BTAF1: variants seen among roughly 807,000 people sequenced by gnomAD.
BTAF1 encodes the protein TATA-binding protein-associated factor 172.
BTAF1 carries 38 observed loss-of-function variants against 227.1 expected under a neutral mutation model. The observed-to-expected ratio is 0.17, with a 90% CI of 0.13 to 0.22. The LOEUF is 0.22. BTAF1 is among the 10% of genes least tolerant of loss of function. The pLI is 1.00. For synonymous variants in BTAF1, 742 were observed against 751.9 expected (o/e 0.99, Z 0.21); for missense variants, 1,598 against 2,204.0 (o/e 0.73, Z 5.51).
intron 6 of BTAF1, 77 bp from the exon 7 acceptor site, chr10:91,956,448 CATT>C (rs1351568214): frequency 5.7e-6 from 8 of 1,398,632 alleles, no homozygotes; most frequent in Non-Finnish European, 7.7e-6. Flanking sequence ...TTGTGATTCA[CATT>C]ATCTTTTATT....
At chr10:91,936,903 T>C (rs1844649372) in intron 2 of BTAF1, among the ~76,000 whole-genome samples, 1 of 152,200 alleles carries the variant, frequency 6.6e-6, no homozygotes, top group African/African-American at 2.4e-5. Context: ...GCATATTGGC[T>C]ACCATCAAAT....
intron 35 of BTAF1, among the ~76,000 whole-genome samples, 170 bp downstream of exon 35, chr10:92,025,137 G>T (rs1044669406): frequency 1.3e-5 from 2 of 151,798 alleles, no homozygotes; most frequent in Non-Finnish European, 2.9e-5. Flanking sequence ...AAATATAATC[G>T]AATAGATTAT....
chr10:92,013,753 T>G lies in BTAF1; in HGVS notation c.4398T>G (p.Gly1466=). The G allele has an allele frequency of 6.2e-7, 1 of 1,614,078 alleles. No homozygotes were observed. Among genetic ancestry groups the G allele is most frequent in the South Asian group, 1.1e-5 (1 of 91,078 alleles). The part of the protein sequence containing the change: ...GTERQFAARY[G]KPILASRDAR... The stretch of plus-strand genomic sequence containing the variant: ...AACGCCAGTTTGCTGCTCGATATGG[T>G]AAACCTATATTAGCAAGTAGGGATG... Residue 1466 remains glycine (G), a synonymous_variant, in exon 31 of 38, where the codon GGT becomes GGG. Coordinates refer to ENST00000265990, the MANE Select transcript of BTAF1 (RefSeq NM_003972.3).
chr10:91,997,521 A>G, intron 24 of BTAF1, 82 bp from the exon 25 acceptor site: 1 of 1,270,322 alleles, frequency 7.9e-7, no homozygotes, highest in Non-Finnish European at 1.1e-6. Context: ...AGCCTTTTAA[A>G]AAGTTAAAAT....
chr10:91,971,060 T>G (rs1395778992), intron 14 of BTAF1, among the ~76,000 whole-genome samples: 2 of 152,248 alleles, frequency 1.3e-5, no homozygotes, highest in African/African-American at 4.8e-5. Flanking sequence ...TCCATATTTT[T>G]CTTCCAGTTA....
intron 9 of BTAF1, 82 bp downstream of exon 9, chr10:91,959,236 C>T (rs995224004): frequency 6.3e-7 from 1 of 1,594,666 alleles, no homozygotes; most frequent in African/African-American, 1.3e-5. Flanking sequence ...CGAGTATGTG[C>T]CGTGAAGTAG....
chr10:91,959,126 G>A lies in BTAF1; in HGVS notation c.962G>A (p.Gly321Asp). Residue 321 changes from glycine (G) to aspartate (D), a missense_variant, in exon 9 of 38, where the codon GGT becomes GAT. Physicochemically the swap from Gly to Asp is moderately conservative, Grantham distance 94. Coordinates refer to ENST00000265990, the MANE Select transcript of BTAF1 (RefSeq NM_003972.3). ...CTTAAAGCTCATGGGAAAAGTGGTGGTAAAATGGGTGACAGCACTTTAGAA... is the reference window on the plus strand; with the variant it reads ...CTTAAAGCTCATGGGAAAAGTGGTGATAAAATGGGTGACAGCACTTTAGAA... ...EILKAHGKSGGKMGDSTLEEM... is the reference protein window; with the variant it reads ...EILKAHGKSGDKMGDSTLEEM... The A allele has an allele frequency of 6.2e-7, 1 of 1,614,124 alleles. No homozygotes were observed. The highest frequency in any genetic ancestry group is 8.5e-7 in the Non-Finnish European group (1 of 1,180,000).
chr10:92,026,028 CAATT>C (rs1851488598), intron 35 of BTAF1, among the ~76,000 whole-genome samples: 1 of 152,088 alleles, frequency 6.6e-6, no homozygotes, highest in Admixed American at 6.5e-5. Context: ...GCTATTGTAA[CAATT>C]AAATAAAATA....
intron 20 of BTAF1, among the ~76,000 whole-genome samples, chr10:91,990,331 G>T (rs1223243781): frequency 6.6e-6 from 1 of 151,948 alleles, no homozygotes; most frequent in Admixed American, 6.6e-5. Context: ...AATACATTGG[G>T]GTCATTCTCC....
At chr10:91,950,856 A>G (rs1845725880) in intron 4 of BTAF1, among the ~76,000 whole-genome samples, 1 of 142,734 alleles carries the variant, frequency 7.0e-6, no homozygotes, top group African/African-American at 2.6e-5. Flanking sequence ...TTTTTGAGAC[A>G]GGGTCTCACT....
At chr10:92,016,844 G>A (rs1010355557) in intron 33 of BTAF1, among the ~76,000 whole-genome samples, 4 of 151,982 alleles carry the variant, frequency 2.6e-5, no homozygotes, top group Non-Finnish European at 5.9e-5. Context: ...ATAAAATACG[G>A]ATCTATGTAT....
chr10:92,018,396 C>G (rs530810923), intron 33 of BTAF1, among the ~76,000 whole-genome samples: 33 of 152,276 alleles, frequency 2.2e-4, no homozygotes, highest in African/African-American at 7.5e-4. Context: ...TTTTTACACT[C>G]ACTGAAGTTT....
chr10:91,955,565 G>A (rs1020144880), intron 6 of BTAF1, among the ~76,000 whole-genome samples: 1 of 152,022 alleles, frequency 6.6e-6, no homozygotes, highest in African/African-American at 2.4e-5. Context: ...GGAAGGTCTA[G>A]GAGGGCTTCC....
At chr10:92,002,925 C>T (rs1037543614) in intron 25 of BTAF1, among the ~76,000 whole-genome samples, 7 of 151,954 alleles carry the variant, frequency 4.6e-5, no homozygotes, top group South Asian at 4.2e-4. Flanking sequence ...TTTGGGAGGC[C>T]GAGGTGGGTG....
rs552061436 is a variant in BTAF1 at position 92,027,451 on chromosome 10, C to T, written c.5406+151C>T. On this transcript the variant is annotated intron_variant, in intron 37 of 37. Transcript: ENST00000265990. ...ATTTTTGGTGCCTAGATAAATTCTG[C>T]AGCATACTAGGGGATGTGTGAAGTT... The T allele has an allele frequency of 5.9e-5, 39 of 655,776 alleles. No individual in the cohort carries two copies. The East Asian group carries it at 1.0e-3, about 17-fold the overall frequency. The allele number at this position is 655,776 out of a possible 1,614,324, so 40.6% of individuals were successfully genotyped here. A position where few individuals can be genotyped will look rare whatever the true frequency, so the allele number is the denominator to read the frequency against.
At chr10:91,927,636 T>A (rs965554012) in intron 1 of BTAF1, among the ~76,000 whole-genome samples, 7 of 152,166 alleles carry the variant, frequency 4.6e-5, no homozygotes, top group Admixed American at 2.0e-4. Context: ...AAAAAATGAA[T>A]GAATGATTTT....
In BTAF1 at chr10:91,940,175, G is replaced by C. The variant is rs142909215; in HGVS notation, c.253+109G>C. 1.7e-4 allele frequency: 108 copies of C among 621,344 alleles called. No individual in the cohort carries two copies. The East Asian group carries it at 2.9e-3, about 17-fold the overall frequency. 38.5% of individuals were successfully genotyped at this position (621,344 alleles called of 1,614,324 possible). A position where few individuals can be genotyped will look rare whatever the true frequency, so the allele number is the denominator to read the frequency against. ...TCAATTTTAAAGTCTTAATTTCCATGCTTTTAGGTACAGCTTTGTCAGGAA... is the reference window on the plus strand; with the variant it reads ...TCAATTTTAAAGTCTTAATTTCCATCCTTTTAGGTACAGCTTTGTCAGGAA... On this transcript the variant is annotated intron_variant, in intron 3 of 37. Transcript: ENST00000265990.
intron 32 of BTAF1, 80 bp downstream of exon 32, chr10:92,014,109 A>G: frequency 1.4e-6 from 2 of 1,437,928 alleles, no homozygotes; most frequent in Non-Finnish European, 1.9e-6. Flanking sequence ...ACTATTGAAT[A>G]AAGGGGCTTA....
intron 25 of BTAF1, among the ~76,000 whole-genome samples, chr10:92,007,813 T>C (rs533570308): frequency 6.6e-6 from 1 of 152,218 alleles, no homozygotes; most frequent in African/African-American, 2.4e-5. Context: ...AACACTAAAA[T>C]TGAGAAGTGC....
Sources: allele counts gnomAD v4.1 joint callset (sites outside exome capture counted in the v4.1 genomes callset), GRCh38; gene constraint gnomAD v4.1.1; transcripts MANE v1.5; gene names NCBI Gene and HGNC (gene_info 2026-07-23, HGNC 2026-07-21).